Variants in NKAIN3 observed in about 807,000 individuals in gnomAD.
NKAIN3 encodes sodium/potassium transporting ATPase interacting 3.
In NKAIN3, 25 loss-of-function variants were observed where a neutral mutation model predicts 30.2. That is an observed-to-expected ratio of 0.83 (90% CI 0.60 to 1.16). The LOEUF is 1.16. Among genes scored for constraint, NKAIN3 ranks in the 50% most tolerant of loss-of-function variants. NKAIN3 has a pLI of 0.00. For synonymous variants in NKAIN3, 91 were observed against 89.6 expected (o/e 1.02, Z -0.09); for missense variants, 225 against 254.1 (o/e 0.89, Z 0.78).
At chr8:62,668,015 A>T (rs528867413) in intron 3 of NKAIN3, among the ~76,000 whole-genome samples, 1 of 152,150 alleles carries the variant, frequency 6.6e-6, no homozygotes, top group East Asian at 1.9e-4. Context: ...CATAATCCAG[A>T]TTTGGGCTCC....
At chr8:62,549,861 T>C (rs1170535309) in intron 1 of NKAIN3, among the ~76,000 whole-genome samples, 1 of 150,802 alleles carries the variant, frequency 6.6e-6, no homozygotes, top group Non-Finnish European at 1.5e-5. Context: ...TGTGCCATTA[T>C]TCTACACTTT....
At chr8:62,780,215 T>C (rs1446549909) in intron 4 of NKAIN3, among the ~76,000 whole-genome samples, 1 of 151,984 alleles carries the variant, frequency 6.6e-6, no homozygotes, top group African/African-American at 2.4e-5. Context: ...TTCCTAAAAA[T>C]ATACAACCTA....
intron 1 of NKAIN3, among the ~76,000 whole-genome samples, chr8:62,555,948 G>A (rs1312067877): frequency 2.0e-5 from 3 of 151,904 alleles, no homozygotes; most frequent in African/African-American, 7.2e-5. Context: ...AATGGAAAAT[G>A]TCTAAAAGTA....
At chr8:62,249,170 C>G (rs569275307) in intron 1 of NKAIN3, 43 bp downstream of exon 1, 299 of 1,467,608 alleles carry the variant, frequency 2.0e-4, no homozygotes, top group Middle Eastern at 3.6e-4. Flanking sequence ...GGTCCCTGCT[C>G]CAGGACCGGC....
At chr8:62,724,268 G>C (rs190101580) in intron 3 of NKAIN3, among the ~76,000 whole-genome samples, 1 of 151,828 alleles carries the variant, frequency 6.6e-6, no homozygotes, top group East Asian at 1.9e-4. Flanking sequence ...TTGTGAGTAC[G>C]TAGTAGGTGC....
intron 3 of NKAIN3, among the ~76,000 whole-genome samples, chr8:62,605,591 T>A (rs2130164983): frequency 6.6e-6 from 1 of 151,966 alleles, no homozygotes; most frequent in South Asian, 2.1e-4. Context: ...AGATCAAAAC[T>A]ATTTGGAAGA....
chr8:62,397,594 A>G (rs1486078621), intron 1 of NKAIN3, among the ~76,000 whole-genome samples: 1 of 152,182 alleles, frequency 6.6e-6, no homozygotes, highest in African/African-American at 2.4e-5. Flanking sequence ...ACTCCCAATT[A>G]GTTCTCTATC....
Position 62,996,978 on chromosome 8 carries a change from T to C in NKAIN3, c.533-2253T>C, listed in dbSNP as rs1477669888. Among the ~76,000 whole-genome samples the C allele has an allele frequency of 9.9e-5, 15 of 152,124 alleles. 1 individual carries two copies. Among genetic ancestry groups the C allele is most frequent in the Admixed American group, 9.8e-4 (15 of 15,272 alleles). On this transcript the variant is annotated intron_variant, in intron 5 of 5. Coordinates refer to the NKAIN3 transcript ENST00000519049. ...GCACACGGTGCAAGCTGTCGGTGGA[T>C]CTACCATTCTAGCGTCTGGAGGATG...
At chr8:62,279,357 G>A (rs936040305) in intron 1 of NKAIN3, among the ~76,000 whole-genome samples, 2 of 152,134 alleles carry the variant, frequency 1.3e-5, no homozygotes, top group Admixed American at 6.5e-5. Flanking sequence ...CTTTTGCTGT[G>A]CAGAAGCTCT....
chr8:62,272,866 A>T (rs562579184), intron 1 of NKAIN3, among the ~76,000 whole-genome samples: 1 of 152,220 alleles, frequency 6.6e-6, no homozygotes. Context: ...TTGTTAGCTT[A>T]TTATCAACTA....
intron 4 of NKAIN3, among the ~76,000 whole-genome samples, chr8:62,755,633 AC>A (rs1474885599): frequency 1.3e-5 from 2 of 151,974 alleles, no homozygotes; most frequent in African/African-American, 4.8e-5. Flanking sequence ...TCCCAGGATT[AC>A]CCTTTTACCA....
At chr8:62,682,389 G>A (rs1813669717) in intron 3 of NKAIN3, among the ~76,000 whole-genome samples, 1 of 152,158 alleles carries the variant, frequency 6.6e-6, no homozygotes, top group Non-Finnish European at 1.5e-5. Context: ...GGGGAGGGCT[G>A]CCAGGGGAAC....
In NKAIN3 at chr8:62,972,398, T is replaced by C. The variant is rs2130915095; in HGVS notation, c.*6991T>C. 6.6e-6 allele frequency among the ~76,000 whole-genome samples: 1 copy of C among 152,296 alleles called. No homozygotes were observed. The highest frequency in any genetic ancestry group is 2.4e-5 in the African/African-American group (1 of 41,572). ...TTGGGGGGCAAAATATGACTTTTTA[T>C]TTTTATTTTTAACCACCAGATTGAG... On this transcript the variant is annotated 3_prime_UTR_variant, in exon 7 of 7. Coordinates refer to ENST00000623646, the MANE Select transcript of NKAIN3 (RefSeq NM_001304533.3).
At chr8:62,310,239 A>C (rs1814385101) in intron 1 of NKAIN3, among the ~76,000 whole-genome samples, 1 of 150,526 alleles carries the variant, frequency 6.6e-6, no homozygotes, top group South Asian at 2.1e-4. Flanking sequence ...TGAAGGCTTA[A>C]AGAAGATGAT....
intron 4 of NKAIN3, among the ~76,000 whole-genome samples, chr8:62,826,048 C>T (rs1819010822): frequency 6.6e-6 from 1 of 152,172 alleles, no homozygotes; most frequent in Admixed American, 6.5e-5. Context: ...CTCAGGCCTC[C>T]TCCTCCCCTA....
chr8:62,613,925 A>T (rs549307897), intron 3 of NKAIN3, among the ~76,000 whole-genome samples: 1 of 152,136 alleles, frequency 6.6e-6, no homozygotes, highest in South Asian at 2.1e-4. Context: ...CTTTTTATGC[A>T]TTATCTTGAA....
intron 6 of NKAIN3, among the ~76,000 whole-genome samples, chr8:62,964,522 AAG>A (rs529053270): frequency 4.2e-4 from 57 of 135,282 alleles, no homozygotes; most frequent in South Asian, 2.3e-3. Flanking sequence ...CCAGTAGAGA[AAG>A]AGAGAGAGAG....
intron 1 of NKAIN3, among the ~76,000 whole-genome samples, chr8:62,520,792 G>T (rs978171216): frequency 6.6e-6 from 1 of 152,042 alleles, no homozygotes; most frequent in African/African-American, 2.4e-5. Context: ...CTCAGATTTA[G>T]TGAGACTGTA....
At chr8:62,909,789 T>C (rs759980328) in intron 4 of NKAIN3, among the ~76,000 whole-genome samples, 2 of 152,200 alleles carry the variant, frequency 1.3e-5, no homozygotes, top group African/African-American at 2.4e-5. Context: ...TCATTTATAA[T>C]AATATAGAGA....
Sources: allele counts gnomAD v4.1 joint callset (sites outside exome capture counted in the v4.1 genomes callset), GRCh38; gene constraint gnomAD v4.1.1; transcripts MANE v1.5; gene names NCBI Gene and HGNC (gene_info 2026-07-23, HGNC 2026-07-21).